The following XPR1 variants were observed in gnomAD, a reference collection of about 807,000 sequenced individuals.
The protein encoded by XPR1 is solute carrier family 53 member 1.
XPR1 carries 28 observed loss-of-function variants against 87.5 expected under a neutral mutation model. That is an observed-to-expected ratio of 0.32 (90% CI 0.24 to 0.44). XPR1 has a LOEUF of 0.44. XPR1 is among the 20% of genes least tolerant of loss of function. The pLI is 1.00. For synonymous variants in XPR1, 300 were observed against 306.1 expected (o/e 0.98, Z 0.21); for missense variants, 559 against 862.3 (o/e 0.65, Z 4.41).
At chr1:180,791,091 G>C (rs1249351500) in intron 3 of XPR1, among the ~76,000 whole-genome samples, 2 of 152,078 alleles carry the variant, frequency 1.3e-5, no homozygotes, top group African/African-American at 4.8e-5. Flanking sequence ...ATGATGTAAG[G>C]CTGTAGACTA....
In XPR1 at chr1:180,803,370, C is replaced by T. The variant is rs1649864625; in HGVS notation, c.224-18C>T. On this transcript the variant is annotated intron_variant, in intron 3 of 14. Transcript: ENST00000367590. ...TTTTTATCTTACTGATTTGACAGTTCCGTTCTATTTCTTATAGAGAAGCTC... is the reference window on the plus strand; with the variant it reads ...TTTTTATCTTACTGATTTGACAGTTTCGTTCTATTTCTTATAGAGAAGCTC... The T allele has an allele frequency of 6.2e-7, 1 of 1,606,506 alleles. No individual in the cohort carries two copies. The highest frequency in any genetic ancestry group is 1.3e-5 in the African/African-American group (1 of 74,650).
intron 2 of XPR1, among the ~76,000 whole-genome samples, chr1:180,761,443 A>G (rs1215690080): frequency 6.6e-6 from 1 of 152,228 alleles, no homozygotes; most frequent in East Asian, 1.9e-4. Flanking sequence ...AACCAACCCC[A>G]TCAAAAAGTG....
Position 180,885,639 on chromosome 1 carries a change from T to A in XPR1, c.*1573T>A, listed in dbSNP as rs1220834430. On this transcript the variant is annotated 3_prime_UTR_variant, in exon 15 of 15. Coordinates refer to ENST00000367590, the MANE Select transcript of XPR1 (RefSeq NM_004736.4). ...TGTTTTAATAACCCCCAGACCCAAATGAAAATTTCAAAGTCAATACCAGCA... is the reference window on the plus strand; with the variant it reads ...TGTTTTAATAACCCCCAGACCCAAAAGAAAATTTCAAAGTCAATACCAGCA... The A allele has an allele frequency of 6.6e-6, 1 of 152,218 alleles. No individual in the cohort carries two copies. Among genetic ancestry groups the A allele is most frequent in the Non-Finnish European group, 1.5e-5 (1 of 68,028 alleles). The allele number at this position is 152,218 out of a possible 1,614,324, so 9.4% of individuals were successfully genotyped here.
intron 2 of XPR1, among the ~76,000 whole-genome samples, chr1:180,744,448 G>C (rs1166812189): frequency 1.3e-5 from 2 of 151,744 alleles, no homozygotes. Context: ...GATAGTTTTT[G>C]TTACATAATT....
Position 180,836,725 on chromosome 1 carries a change from T to C in XPR1, c.1501+9T>C. 1 of 1,613,046 alleles carries C rather than the reference T, an allele frequency of 6.2e-7. No homozygotes were observed. The highest frequency in any genetic ancestry group is 8.5e-7 in the Non-Finnish European group (1 of 1,179,992). ...TTACAGCACTCACAAAGGTATTCTG[T>C]GATTGACTCTGAAGAGATTTTTTTA... is the stretch of plus-strand genomic sequence containing the variant. On this transcript the variant is annotated intron_variant, in intron 11 of 14. Transcript: ENST00000367590.
At chr1:180,702,245 C>T (rs1291244615) in intron 2 of XPR1, among the ~76,000 whole-genome samples, 2 of 111,488 alleles carry the variant, frequency 1.8e-5, no homozygotes, top group African/African-American at 7.2e-5. Flanking sequence ...AGTTGAGCGG[C>T]TTTGAGTGAG....
intron 4 of XPR1, 29 bp downstream of exon 4, chr1:180,803,640 C>T (rs1418642774): frequency 1.9e-6 from 3 of 1,568,362 alleles, no homozygotes; most frequent in Admixed American, 3.4e-5. Flanking sequence ...TAGAAAATGG[C>T]ACCTTTAAGT....
At chr1:180,808,181 A>G (rs1278295559) in intron 6 of XPR1, among the ~76,000 whole-genome samples, 1 of 152,090 alleles carries the variant, frequency 6.6e-6, no homozygotes, top group African/African-American at 2.4e-5. Context: ...CCAAAAATAG[A>G]CTAACATATT....
chr1:180,747,070 C>T (rs554126159), intron 2 of XPR1, among the ~76,000 whole-genome samples: 2 of 152,150 alleles, frequency 1.3e-5, no homozygotes, highest in African/African-American at 4.8e-5. Context: ...GTAATTAATA[C>T]ACAATTACTT....
rs562646031 is a variant in XPR1 at position 180,760,576 on chromosome 1, C to G, written c.122-27177C>G. On this transcript the variant is annotated intron_variant, in intron 2 of 14. Transcript: ENST00000367590. ...TTACAAGGGATGTGAAGGACCTCTT[C>G]AAGGAGAACTACAAACCACTGCTCA... Among the ~76,000 whole-genome samples, 88 of 152,260 alleles carry G rather than the reference C, an allele frequency of 5.8e-4. 1 individual carries two copies. Among genetic ancestry groups the G allele is most frequent in the Non-Finnish European group, 2.9e-4 (20 of 68,022 alleles).
intron 3 of XPR1, among the ~76,000 whole-genome samples, chr1:180,790,202 T>C (rs543672467): frequency 6.6e-6 from 1 of 152,300 alleles, no homozygotes; most frequent in South Asian, 2.1e-4. Flanking sequence ...AGAAGAGATA[T>C]CCCTCTTTAT....
intron 2 of XPR1, among the ~76,000 whole-genome samples, chr1:180,693,367 G>T (rs181266659): frequency 3.3e-4 from 50 of 152,246 alleles, no homozygotes; most frequent in African/African-American, 1.1e-3. Flanking sequence ...CCAGTATTAG[G>T]TATCATTGAA....
intron 12 of XPR1, among the ~76,000 whole-genome samples, chr1:180,866,190 C>A (rs536346039): frequency 4.6e-5 from 7 of 151,020 alleles, no homozygotes; most frequent in African/African-American, 1.7e-4. Flanking sequence ...CCAGCCTGGG[C>A]GATGGAGCAA....
At chr1:180,853,497 T>C (rs1651932234) in intron 11 of XPR1, among the ~76,000 whole-genome samples, 1 of 152,198 alleles carries the variant, frequency 6.6e-6, no homozygotes, top group Admixed American at 6.5e-5. Context: ...TTCCAACATC[T>C]CTATCATCTC....
intron 1 of XPR1, among the ~76,000 whole-genome samples, chr1:180,650,275 G>T (rs993892157): frequency 6.6e-6 from 1 of 151,352 alleles, no homozygotes; most frequent in Non-Finnish European, 1.5e-5. Flanking sequence ...TTGCTTTGTT[G>T]CCCTGGCTGG....
intron 2 of XPR1, among the ~76,000 whole-genome samples, chr1:180,749,639 T>TCACACACACACACACACA (rs139363505): frequency 0.021 from 3,042 of 142,386 alleles, 67 homozygotes; most frequent in Non-Finnish European, 0.024. Flanking sequence ...CACATATACA[T>TCACACACACACACACACA]CACACACACA....
chr1:180,684,911 T>C (rs1429683049), intron 2 of XPR1, among the ~76,000 whole-genome samples: 1 of 152,178 alleles, frequency 6.6e-6, no homozygotes, highest in African/African-American at 2.4e-5. Context: ...TTTCTAGATA[T>C]ACAATCATGT....
intron 1 of XPR1, among the ~76,000 whole-genome samples, chr1:180,660,504 T>G (rs774814683): frequency 4.6e-5 from 7 of 152,166 alleles, no homozygotes; most frequent in Non-Finnish European, 1.0e-4. Flanking sequence ...TTCCTCTTAG[T>G]ACTTCTTTTG....
Position 180,749,639 on chromosome 1 carries a change from T to TCTCACACACACACA in XPR1, c.122-38113_122-38112insTCACACACACACAC, listed in dbSNP as rs1256087509. On this transcript the variant is annotated intron_variant, in intron 2 of 14. Transcript: ENST00000367590. ...AAAATTTATAATAAACACATATACATCACACACACACACACACACACACAC... is the reference window on the plus strand; with the variant it reads ...AAAATTTATAATAAACACATATACATCTCACACACACACACACACACACACACACACACACACAC... Among the ~76,000 whole-genome samples, 11 of 142,434 alleles carry TCTCACACACACACA rather than the reference T, an allele frequency of 7.7e-5. 1 individual carries two copies. Among genetic ancestry groups the TCTCACACACACACA allele is most frequent in the Admixed American group, 3.5e-4 (5 of 14,378 alleles). The allele number at this position is 142,434 out of a possible 152,430, so 93.4% of individuals were successfully genotyped here.
Sources: gnomAD v4.1 joint callset for allele counts (sites outside exome capture counted in the v4.1 genomes callset) on GRCh38, gnomAD v4.1.1 for gene constraint, MANE v1.5 for transcripts, NCBI Gene and HGNC (gene_info 2026-07-23, HGNC 2026-07-21) for gene names.